The following RGL1 variants were observed in gnomAD, a reference collection of about 807,000 sequenced individuals.
RGL1 encodes ral guanine nucleotide dissociation stimulator-like 1.
In RGL1, 24 loss-of-function variants were observed where a neutral mutation model predicts 95.2. The ratio of observed to expected loss-of-function variants is 0.25; its 90% confidence interval spans 0.18 to 0.35. RGL1 has a LOEUF of 0.35. Among genes scored for constraint, RGL1 ranks in the 10% least tolerant of loss-of-function variants. The pLI is 1.00. For missense variants in RGL1, 715 were observed against 936.3 expected, an observed-to-expected ratio of 0.76 and a Z score of 3.08; for synonymous variants, 329 against 344.9, an observed-to-expected ratio of 0.95 and a Z score of 0.51.
chr1:183,831,317 C>T (rs754510412), intron 2 of RGL1, among the ~76,000 whole-genome samples: 1 of 152,042 alleles, frequency 6.6e-6, no homozygotes, highest in Non-Finnish European at 1.5e-5. Context: ...AATGAGCTTG[C>T]TGTGTTTTAG....
At chr1:183,705,134 G>C (rs1654826775) in intron 1 of RGL1, among the ~76,000 whole-genome samples, 1 of 152,148 alleles carries the variant, frequency 6.6e-6, no homozygotes, top group Admixed American at 6.5e-5. Context: ...GCCTTTAGTG[G>C]CTTGGTATAA....
intron 1 of RGL1, among the ~76,000 whole-genome samples, chr1:183,668,462 A>T (rs1288759035): frequency 6.6e-6 from 1 of 151,596 alleles, no homozygotes; most frequent in African/African-American, 2.4e-5. Flanking sequence ...ATTTATTTTT[A>T]ATTTAATTTA....
chr1:183,813,406 G>A (rs1414784328), intron 2 of RGL1, among the ~76,000 whole-genome samples: 1 of 152,236 alleles, frequency 6.6e-6, no homozygotes, highest in Non-Finnish European at 1.5e-5. Context: ...GATGTGTCAT[G>A]TCTAGAGACG....
In RGL1 at chr1:183,668,935, C is replaced by CTTTTTTTTTTTTTTTTTTTT. The variant is rs551008973; in HGVS notation, c.-33+32438_-33+32439insTTTTTTTTTTTTTTTTTTTT. ...CTTTTTGCTTTTGGTATTGGACTTTCTTTTCTTTTTTTTTTTTTTTGAGAT... is the reference window on the plus strand; with the variant it reads ...CTTTTTGCTTTTGGTATTGGACTTTCTTTTTTTTTTTTTTTTTTTTTTTTCTTTTTTTTTTTTTTTGAGAT... On this transcript the variant is annotated intron_variant, in intron 1 of 18. Coordinates refer to the RGL1 transcript ENST00000304685. Among the ~76,000 whole-genome samples the CTTTTTTTTTTTTTTTTTTTT allele has an allele frequency of 4.3e-5, 5 of 115,556 alleles. 2 individuals are homozygous for CTTTTTTTTTTTTTTTTTTTT. The highest frequency in any genetic ancestry group is 5.4e-5 in the Non-Finnish European group (3 of 55,460). The allele number at this position is 115,556 out of a possible 152,430, so 75.8% of individuals were successfully genotyped here. A position where few individuals can be genotyped will look rare whatever the true frequency, so the allele number is the denominator to read the frequency against.
At chr1:183,637,721 C>A (rs1411987982) in intron 1 of RGL1, among the ~76,000 whole-genome samples, 1 of 152,094 alleles carries the variant, frequency 6.6e-6, no homozygotes, top group Non-Finnish European at 1.5e-5. Context: ...ATAGAAGTAA[C>A]ATTGTTTAAA....
intron 16 of RGL1, among the ~76,000 whole-genome samples, chr1:183,920,426 A>G (rs1669249018): frequency 6.6e-6 from 1 of 152,242 alleles, no homozygotes; most frequent in South Asian, 2.1e-4. Context: ...GTCTATCAGC[A>G]TAAGGATGCA....
At chr1:183,828,274 A>G (rs1029343469) in intron 2 of RGL1, among the ~76,000 whole-genome samples, 6 of 152,218 alleles carry the variant, frequency 3.9e-5, no homozygotes, top group Middle Eastern at 3.2e-3. Flanking sequence ...TTTGTCTTCA[A>G]ACGGTTTCAG....
At chr1:183,739,330 T>C (rs1432180708) in intron 1 of RGL1, among the ~76,000 whole-genome samples, 1 of 152,166 alleles carries the variant, frequency 6.6e-6, no homozygotes, top group African/African-American at 2.4e-5. Flanking sequence ...GGAAGGAGCA[T>C]GAGAAGGAGG....
In RGL1 at chr1:183,870,180, G is replaced by A. The variant is rs558386496; in HGVS notation, c.425+4107G>A. Among the ~76,000 whole-genome samples, 6 of 151,308 alleles carry A rather than the reference G, an allele frequency of 4.0e-5. 1 individual carries two copies. The highest frequency in any genetic ancestry group is 3.3e-4 in the Admixed American group (5 of 15,164). On this transcript the variant is annotated intron_variant, in intron 4 of 17. Transcript: ENST00000360851. ...AATGACATCAGCCCCAAGTGAGGAC[G>A]GGACAGGGGCTTTGTAGTCCTCTGT...
At chr1:183,732,824 C>T (rs1390102404) in intron 1 of RGL1, among the ~76,000 whole-genome samples, 1 of 152,156 alleles carries the variant, frequency 6.6e-6, no homozygotes, top group Non-Finnish European at 1.5e-5. Flanking sequence ...CCAGTAAGGT[C>T]CTTCCCATAG....
Position 183,647,821 on chromosome 1 carries a change from T to C in RGL1, c.-33+11320T>C, listed in dbSNP as rs76778886. 2.4e-3 allele frequency: 3,943 copies of C among 1,614,220 alleles called. 95 individuals carry two copies. The African/African-American group carries it at 0.048, about 20-fold the overall frequency. On this transcript the variant is annotated intron_variant, in intron 1 of 18. Transcript: ENST00000304685. The stretch of plus-strand genomic sequence containing the variant: ...TCCTGGAATGACATTTGAGGCATAT[T>C]TAAGTGCCTTACGATATTCCTGGGT...
intron 1 of RGL1, among the ~76,000 whole-genome samples, chr1:183,674,443 C>T (rs1270044020): frequency 6.6e-6 from 1 of 152,112 alleles, no homozygotes; most frequent in African/African-American, 2.4e-5. Flanking sequence ...ATAAAACCAG[C>T]TGTGACTGGA....
At chr1:183,781,386 C>G (rs1659894644) in intron 2 of RGL1, among the ~76,000 whole-genome samples, 1 of 152,060 alleles carries the variant, frequency 6.6e-6, no homozygotes, top group Non-Finnish European at 1.5e-5. Context: ...GGCCACATAC[C>G]CAGTTGCTAT....
intron 3 of RGL1, among the ~76,000 whole-genome samples, chr1:183,852,904 A>T (rs1356761209): frequency 6.6e-6 from 1 of 152,244 alleles, no homozygotes; most frequent in Non-Finnish European, 1.5e-5. Context: ...ACCTACTTTA[A>T]TTAGTGACCT....
chr1:183,924,956 A>C (rs1305737316), intron 17 of RGL1, among the ~76,000 whole-genome samples: 1 of 151,934 alleles, frequency 6.6e-6, no homozygotes, highest in Non-Finnish European at 1.5e-5. Flanking sequence ...ACAAGAGCAA[A>C]ACTCCATCTC....
chr1:183,752,260 C>T (rs1445385511), intron 2 of RGL1, among the ~76,000 whole-genome samples: 1 of 151,400 alleles, frequency 6.6e-6, no homozygotes, highest in South Asian at 2.1e-4. Flanking sequence ...TGGAGTCTCA[C>T]TCTGTCACCA....
intron 2 of RGL1, among the ~76,000 whole-genome samples, chr1:183,748,383 C>A: frequency 7.9e-6 from 1 of 125,792 alleles, no homozygotes. Context: ...AATTTGTTTG[C>A]TTCTCTAGTT....
At chr1:183,803,307 A>G (rs1661093240), upstream of RGL1, among the ~76,000 whole-genome samples, 2 of 152,214 alleles carry the variant, frequency 1.3e-5, no homozygotes, top group African/African-American at 4.8e-5. Context: ...ATCACTTACC[A>G]TGTGCTTGAT....
In RGL1 at chr1:183,724,764, A is replaced by G. The variant is rs1656213845; in HGVS notation, c.-32-17362A>G. Among the ~76,000 whole-genome samples, 1 of 152,114 alleles carries G rather than the reference A, an allele frequency of 6.6e-6. No homozygotes were observed. The highest frequency in any genetic ancestry group is 2.4e-5 in the African/African-American group (1 of 41,418). ...AGCTTGCCATCCTTAAGCGAAGGAC[A>G]TGAGCATGGCTGTTTTCACCACCTG... On this transcript the variant is annotated intron_variant, in intron 1 of 18. Coordinates refer to the RGL1 transcript ENST00000304685. The surrounding 1 kb of genome is among the most constrained non-coding windows in gnomAD (Gnocchi z 4.1).
Sources: allele counts gnomAD v4.1 joint callset (sites outside exome capture counted in the v4.1 genomes callset), GRCh38; gene constraint gnomAD v4.1.1; non-coding constraint Gnocchi (gnomAD v3.1); transcripts MANE v1.5; gene names NCBI Gene and HGNC (gene_info 2026-07-23, HGNC 2026-07-21).